Variants in PHF12 observed in about 807,000 individuals in gnomAD.
The protein encoded by PHF12 is PHD finger protein 12, also known as PHD factor 1.
PHF12 carries 6 observed loss-of-function variants against 99.8 expected under a neutral mutation model. The ratio of observed to expected loss-of-function variants is 0.06; its 90% CI spans 0.03 to 0.12. PHF12 has a LOEUF of 0.12. Ranked by LOEUF, PHF12 falls within the 10% of genes least tolerant of loss-of-function variation. PHF12 has a pLI of 1.00. For synonymous variants in PHF12, 480 were observed against 514.9 expected (o/e 0.93, Z 0.92); for missense variants, 954 against 1,300.1 (o/e 0.73, Z 4.09).
intron 2 of PHF12, among the ~76,000 whole-genome samples, chr17:28,934,535 C>A (rs1209002916): frequency 6.6e-6 from 1 of 151,822 alleles, no homozygotes. Context: ...GACATTTCTT[C>A]TGAAAATGAA....
chr17:28,946,061 G>A (rs1376539280), intron 2 of PHF12, among the ~76,000 whole-genome samples: 2 of 152,128 alleles, frequency 1.3e-5, no homozygotes, highest in South Asian at 2.1e-4. Flanking sequence ...GCTTGAGCCC[G>A]GGAGGCGTTG....
At chr17:28,939,830 C>T (rs2152676563) in intron 2 of PHF12, among the ~76,000 whole-genome samples, 1 of 152,336 alleles carries the variant, frequency 6.6e-6, no homozygotes, top group African/African-American at 2.4e-5. Context: ...CTGAGAGGTT[C>T]CCCTATCCCT....
At chr17:28,945,517 G>A (rs1000426230) in intron 2 of PHF12, 1 of 152,176 alleles carries the variant, frequency 6.6e-6, no homozygotes, top group African/African-American at 2.4e-5. Flanking sequence ...GGACCATGCT[G>A]AGGTCTGCCG....
intron 2 of PHF12, among the ~76,000 whole-genome samples, chr17:28,947,597 C>T (rs943230962): frequency 6.6e-6 from 1 of 151,882 alleles, no homozygotes; most frequent in Non-Finnish European, 1.5e-5. Flanking sequence ...AACAAACAAA[C>T]AAAAAACAAC....
rs1013909204 is a variant in PHF12, at chr17:28,951,026, T to G, written c.-66A>C. ...CCCAACCCCGGGGGGAGGGGGGAGG[T>G]GAGGGGAGGGGGCGCTCCTGACCCC... On this transcript the variant is annotated 5_prime_UTR_variant, in exon 1 of 15. Coordinates refer to ENST00000332830, the MANE Select transcript of PHF12 (RefSeq NM_001033561.2). 5.4e-5 allele frequency: 87 copies of G among 1,603,006 alleles called. No individual in the cohort carries two copies. Among genetic ancestry groups the G allele is most frequent in the Non-Finnish European group, 7.2e-5 (85 of 1,174,660 alleles).
intron 2 of PHF12, among the ~76,000 whole-genome samples, chr17:28,929,060 CACTCCAGCCTGGGCGACAGAGTGAG>C (rs2152670222): frequency 6.6e-6 from 1 of 151,870 alleles, no homozygotes; most frequent in African/African-American, 2.4e-5. Flanking sequence ...AGTGCCACTG[CACTCCAGCCTGGGCGACAGAGTGAG>C]ACTCTGTCTC....
At chr17:28,932,331 T>C (rs2040428699) in intron 2 of PHF12, among the ~76,000 whole-genome samples, 1 of 152,082 alleles carries the variant, frequency 6.6e-6, no homozygotes, top group Non-Finnish European at 1.5e-5. Context: ...AGGGTTTCAC[T>C]ATGTTGCCGA....
chr17:28,950,496 G>A lies in PHF12; in HGVS notation c.67-250C>T, dbSNP rs898679053. The stretch of plus-strand genomic sequence containing the variant: ...ATCAAGGGTAGGGGGATGGGAAGAG[G>A]GTGCGCGGTTCCCTTCTTGCCACTT... On this transcript the variant is annotated intron_variant, in intron 1 of 14. Coordinates refer to ENST00000332830, the MANE Select transcript of PHF12 (RefSeq NM_001033561.2). This position sits in a 1 kb window ranked among gnomAD's most constrained non-coding sequence, Gnocchi z 5.7. 1.1e-4 allele frequency: 64 copies of A among 567,808 alleles called. No individual in the cohort carries two copies. Among genetic ancestry groups the A allele is most frequent in the Middle Eastern group, 4.7e-4 (1 of 2,132 alleles). 35.2% of individuals were successfully genotyped at this position (567,808 alleles called of 1,614,324 possible).
chr17:28,933,227 G>C (rs907214645), intron 2 of PHF12, among the ~76,000 whole-genome samples: 1 of 152,202 alleles, frequency 6.6e-6, no homozygotes, highest in Non-Finnish European at 1.5e-5. Context: ...ACTATAATGA[G>C]ACAATGCTGC....
At position 28,911,603 on chromosome 17, in the gene PHF12, G is replaced by A. The variant is rs1029225923; in HGVS notation, c.2090-366C>T. ...CTACTGAAATATGACTCACGGCGTG[G>A]AGAATCTACCCACGCTGGTTTTAAG... is the stretch of plus-strand genomic sequence containing the variant. On this transcript the variant is annotated intron_variant, in intron 9 of 14. Coordinates refer to ENST00000332830, the MANE Select transcript of PHF12 (RefSeq NM_001033561.2). Among the ~76,000 whole-genome samples the A allele has an allele frequency of 5.9e-5, 9 of 152,262 alleles. No homozygotes were observed. In the Middle Eastern group the frequency reaches 0.01, roughly 173 times the overall value.
chr17:28,906,842 C>G lies in PHF12; in HGVS notation c.2680+14G>C, dbSNP rs2039879498. On this transcript the variant is annotated intron_variant, in intron 14 of 14. Coordinates refer to ENST00000332830, the MANE Select transcript of PHF12 (RefSeq NM_001033561.2). The surrounding 1 kb of genome is among the most constrained non-coding windows in gnomAD (Gnocchi z 4.2). Reference sequence around the variant, plus strand: ...GCCTCAGCTTTGTGGCCACAGATCTCTGCTCCAACTTACTGATGACACTCT... The same window carrying G: ...GCCTCAGCTTTGTGGCCACAGATCTGTGCTCCAACTTACTGATGACACTCT... 6.3e-7 allele frequency: 1 copy of G among 1,587,262 alleles called. No individual in the cohort carries two copies. The highest frequency in any genetic ancestry group is 8.6e-7 in the Non-Finnish European group (1 of 1,165,852).
intron 2 of PHF12, among the ~76,000 whole-genome samples, chr17:28,933,841 A>G (rs2040458490): frequency 1.3e-5 from 2 of 152,136 alleles, no homozygotes; most frequent in Non-Finnish European, 2.9e-5. Context: ...TGACCCCAGG[A>G]GTTAGAGGCC....
At chr17:28,908,123 C>T (rs987443802) in intron 12 of PHF12, 2 of 165,536 alleles carry the variant, frequency 1.2e-5, no homozygotes, top group Admixed American at 5.8e-5. Context: ...AGATACAGGG[C>T]TAACTGAAGA....
At position 28,913,929 on chromosome 17, in the gene PHF12, T is replaced by C; in HGVS notation, c.1243A>G (p.Met415Val). 6.2e-7 allele frequency: 1 copy of C among 1,613,618 alleles called. No homozygotes were observed. The highest frequency in any genetic ancestry group is 8.5e-7 in the Non-Finnish European group (1 of 1,179,660). The change falls in exon 8 of 15, where the codon ATG (methionine) becomes GTG (valine). Residue 415 changes from methionine to valine, a missense_variant. By Grantham distance (21) the Met-to-Val change is conservative. Around this residue, in one of 8 missense-constraint regions of PHF12, gnomAD observed 392 missense variants for 423.1 expected, o/e 0.93. Transcript: ENST00000332830. ...ICNGIPEESQMHLLNSEHLAT... is the reference protein window; with the variant it reads ...ICNGIPEESQVHLLNSEHLAT... ...AAGTGCTCAGAGTTCAAAAGGTGCA[T>C]CTGTGATTCCTCAGGGATCCCATTG...
intron 7 of PHF12, 32 bp from the exon 8 acceptor site, chr17:28,914,069 G>A (rs752086278): frequency 6.4e-7 from 1 of 1,569,338 alleles, no homozygotes; most frequent in East Asian, 2.3e-5. Flanking sequence ...AGGAAGGAGA[G>A]GGAGATAGTT....
At chr17:28,918,450 G>A (rs1193719844) in intron 6 of PHF12, among the ~76,000 whole-genome samples, 1 of 152,210 alleles carries the variant, frequency 6.6e-6, no homozygotes, top group Non-Finnish European at 1.5e-5. Context: ...TTTAACCGAG[G>A]TTCCTCTCAG....
At position 28,951,033 on chromosome 17, in the gene PHF12, A is replaced by C; in HGVS notation, c.-73T>G. On this transcript the variant is annotated 5_prime_UTR_variant, in exon 1 of 15. Transcript: ENST00000332830. ...CCGGGGGGAGGGGGGAGGTGAGGGGAGGGGGCGCTCCTGACCCCGGCCCCG... is the reference window on the plus strand; with the variant it reads ...CCGGGGGGAGGGGGGAGGTGAGGGGCGGGGGCGCTCCTGACCCCGGCCCCG... 6.2e-7 allele frequency: 1 copy of C among 1,603,450 alleles called. No homozygotes were observed. Among genetic ancestry groups the C allele is most frequent in the Non-Finnish European group, 8.5e-7 (1 of 1,174,686 alleles).
At chr17:28,921,243 C>T (rs1449798530) in intron 5 of PHF12, among the ~76,000 whole-genome samples, 3 of 152,148 alleles carry the variant, frequency 2.0e-5, no homozygotes, top group East Asian at 1.9e-4. Flanking sequence ...AGTGCAGTGG[C>T]GTGATCACAG....
At chr17:28,922,927 A>G (rs780353120) in intron 4 of PHF12, among the ~76,000 whole-genome samples, 1 of 152,078 alleles carries the variant, frequency 6.6e-6, no homozygotes, top group Non-Finnish European at 1.5e-5. Flanking sequence ...AAAAAATATA[A>G]AAATTAGCTG....
Sources: gnomAD v4.1 joint callset for allele counts (sites outside exome capture counted in the v4.1 genomes callset) on GRCh38, gnomAD v4.1.1 for gene constraint, gnomAD v4.1.1 regional missense constraint, Gnocchi (gnomAD v3.1) non-coding constraint, MANE v1.5 for transcripts, NCBI Gene and HGNC (gene_info 2026-07-23, HGNC 2026-07-21) for gene names.